Variants in INSR observed in about 807,000 individuals in gnomAD.
The protein encoded by INSR is IR.
INSR carries 67 observed loss-of-function variants against 142.6 expected under a neutral mutation model. The ratio of observed to expected loss-of-function variants is 0.47; its 90% CI spans 0.39 to 0.58. The LOEUF (loss-of-function observed/expected upper bound fraction) is 0.58, where lower values mean the gene tolerates loss of function less well. Ranked by LOEUF, INSR falls within the 20% of genes least tolerant of loss-of-function variation. The pLI, the probability that INSR is intolerant of heterozygous loss-of-function variation, is 0.00. For missense variants in INSR, 1,248 were observed against 1,833.2 expected (o/e 0.68, Z 5.83); for synonymous variants, 756 against 743.1 (o/e 1.02, Z -0.28).
At chr19:7,205,729 A>T (rs1975089364) in intron 2 of INSR, among the ~76,000 whole-genome samples, 1 of 152,162 alleles carries the variant, frequency 6.6e-6, no homozygotes, top group Non-Finnish European at 1.5e-5. Context: ...ATCTCTACAG[A>T]TAATACAAAA....
At chr19:7,277,293 G>A (rs542184356) in intron 1 of INSR, among the ~76,000 whole-genome samples, 16 of 151,946 alleles carry the variant, frequency 1.1e-4, no homozygotes, top group African/African-American at 3.9e-4. Flanking sequence ...TGCAGGTTCT[G>A]GACCCGGCAA....
At chr19:7,293,586 G>A (rs1044557844) in intron 1 of INSR, among the ~76,000 whole-genome samples, 82 of 152,158 alleles carry the variant, frequency 5.4e-4, no homozygotes, top group Non-Finnish European at 6.3e-4. Flanking sequence ...GGGCACGCAG[G>A]GCGCGGAGGC....
Position 7,261,593 on chromosome 19 carries a change from C to T in INSR, c.652+5752G>A, listed in dbSNP as rs148973704. On this transcript the variant is annotated intron_variant, in intron 2 of 21. Transcript: ENST00000302850. ...TCGGCCAGGCTGGGGTGCAATGGCA[C>T]GATCTCAGCTCACTGCAACCTCTGC... 2.5e-3 allele frequency among the ~76,000 whole-genome samples: 387 copies of T among 151,968 alleles called. 4 individuals are homozygous for T. The highest frequency in any genetic ancestry group is 8.5e-3 in the African/African-American group (351 of 41,458).
At chr19:7,224,089 G>A (rs1053069967) in intron 2 of INSR, among the ~76,000 whole-genome samples, 15 of 151,838 alleles carry the variant, frequency 9.9e-5, no homozygotes, top group Admixed American at 2.6e-4. Context: ...GACTACAGGC[G>A]TACACCACCA....
chr19:7,119,349 T>C lies in INSR; in HGVS notation c.3794+100A>G. 2 of 1,340,386 alleles carry C rather than the reference T, an allele frequency of 1.5e-6. No individual in the cohort carries two copies. The highest frequency in any genetic ancestry group is 2.1e-6 in the Non-Finnish European group (2 of 932,446). The allele number at this position is 1,340,386 out of a possible 1,614,324, so 83.0% of individuals were successfully genotyped here. A position where few individuals can be genotyped will look rare whatever the true frequency, so the allele number is the denominator to read the frequency against. On this transcript the variant is annotated intron_variant, in intron 21 of 21. Coordinates refer to ENST00000302850, the MANE Select transcript of INSR (RefSeq NM_000208.4). This position sits in a 1 kb window ranked among gnomAD's most constrained non-coding sequence, Gnocchi z 5.2. ...TGTAACATACAGCATGCAAACACGG[T>C]GAGCGTGTAGACATAGGAAAGGCAA...
At chr19:7,277,987 A>G (rs967837359) in intron 1 of INSR, among the ~76,000 whole-genome samples, 1 of 151,814 alleles carries the variant, frequency 6.6e-6, no homozygotes, top group Non-Finnish European at 1.5e-5. Flanking sequence ...CCAGCTACTC[A>G]GGAGGCTGAG....
chr19:7,243,268 T>G (rs1415265510), intron 2 of INSR, among the ~76,000 whole-genome samples: 1 of 110,068 alleles, frequency 9.1e-6, no homozygotes, highest in Non-Finnish European at 1.8e-5. Context: ...TTTTTTGAGA[T>G]GCAGTCTAGC....
chr19:7,149,185 G>T (rs1439041929), intron 11 of INSR, among the ~76,000 whole-genome samples: 3 of 152,166 alleles, frequency 2.0e-5, no homozygotes, highest in Non-Finnish European at 4.4e-5. Flanking sequence ...GGGATTACAG[G>T]CGTGAGCCAC....
In INSR at chr19:7,117,089, C is replaced by T. The variant is rs745411496; in HGVS notation, c.4116G>A (p.Arg1372=). The part of the protein sequence containing the change: ...THMNGGKKNG[R]ILTLPRSNPS The stretch of plus-strand genomic sequence containing the variant: ...GATTGGACCGAGGCAAGGTCAGAAT[C>T]CGCCCGTTTTTCTTGCCTCCGTTCA... The change falls in exon 22 of 22, where the codon CGG becomes CGA. Residue 1372 remains arginine (R), a synonymous_variant. Transcript: ENST00000302850. 50 of 1,613,986 alleles carry T rather than the reference C, an allele frequency of 3.1e-5. No individual in the cohort carries two copies. The highest frequency in any genetic ancestry group is 1.4e-4 in the South Asian group (13 of 91,082).
At chr19:7,231,139 C>A (rs1021722965) in intron 2 of INSR, among the ~76,000 whole-genome samples, 11 of 152,118 alleles carry the variant, frequency 7.2e-5, no homozygotes, top group African/African-American at 2.7e-4. Flanking sequence ...ACAGCCTGTG[C>A]GCCACGGAGG....
chr19:7,172,382 T>G lies in INSR; in HGVS notation c.1176A>C (p.Ser392=), dbSNP rs1260032788. The change falls in exon 5 of 22, where the codon TCA becomes TCC. Residue 392 remains serine, a synonymous_variant. Coordinates refer to ENST00000302850, the MANE Select transcript of INSR (RefSeq NM_000208.4). ...AGGATCGGCGGATTTTTAGATACCC[T>G]GAAATTTCTTCAATGAGGCCGAGGT... ...EANLGLIEEI[S]GYLKIRRSYA... 4 of 1,614,080 alleles carry G rather than the reference T, an allele frequency of 2.5e-6. No individual in the cohort carries two copies. The highest frequency in any genetic ancestry group is 3.4e-6 in the Non-Finnish European group (4 of 1,179,968).
rs756988525 is a variant in INSR at position 7,117,073 on chromosome 19, G to A, written c.4132C>T (p.Arg1378Trp). The change falls in exon 22 of 22, where the codon CGG becomes TGG. Residue 1378 changes from arginine (R) to tryptophan (W), a missense_variant. By Grantham distance (101) the Arg-to-Trp change is moderately radical. Coordinates refer to ENST00000302850, the MANE Select transcript of INSR (RefSeq NM_000208.4). ...AGGCACTGTTAGGAAGGATTGGACC[G>A]AGGCAAGGTCAGAATCCGCCCGTTT... ...KKNGRILTLP[R>W]SNPS The A allele has an allele frequency of 3.1e-6, 5 of 1,613,922 alleles. No individual in the cohort carries two copies. Among genetic ancestry groups the A allele is most frequent in the South Asian group, 1.1e-5 (1 of 91,078 alleles).
intron 9 of INSR, among the ~76,000 whole-genome samples, chr19:7,153,362 AC>A (rs748278018): frequency 1.8e-4 from 14 of 76,074 alleles, no homozygotes; most frequent in East Asian, 2.9e-3. Context: ...CACACACCAC[AC>A]ACCCCACACA....
chr19:7,212,427 T>C (rs564077468), intron 2 of INSR, among the ~76,000 whole-genome samples: 2 of 152,264 alleles, frequency 1.3e-5, no homozygotes, highest in East Asian at 1.9e-4. Flanking sequence ...CAGACACATG[T>C]TGAATCGAAT....
Position 7,170,544 on chromosome 19 carries a change from C to T in INSR, c.1476G>A (p.Gln492=), listed in dbSNP as rs764494335. 3.1e-6 allele frequency: 5 copies of T among 1,612,272 alleles called. No individual in the cohort carries two copies. The highest frequency in any genetic ancestry group is 2.0e-4 in the Middle Eastern group (1 of 5,082). Residue 492 remains glutamine, a synonymous_variant, in exon 6 of 22, where the codon CAG becomes CAA. Transcript: ENST00000302850. Reference sequence around the variant, plus strand: ...TGGGGACCAGTGACTTACAGGATGCCTGGTCCCCATTGGTCTTCAGGGCAA... The same window carrying T: ...TGGGGACCAGTGACTTACAGGATGCTTGGTCCCCATTGGTCTTCAGGGCAA... ...NDIALKTNGD[Q]ASCENELLKF...
intron 2 of INSR, among the ~76,000 whole-genome samples, chr19:7,214,263 T>C (rs1174818143): frequency 6.6e-6 from 1 of 152,194 alleles, no homozygotes; most frequent in Non-Finnish European, 1.5e-5. Flanking sequence ...GGAACTTGTT[T>C]CTTCACACGT....
At chr19:7,136,642 C>T (rs1034789339) in intron 13 of INSR, among the ~76,000 whole-genome samples, 4 of 151,872 alleles carry the variant, frequency 2.6e-5, no homozygotes, top group Admixed American at 1.3e-4. Flanking sequence ...CCCACCCAGA[C>T]CAACTGTGTT....
chr19:7,178,717 T>TC (rs201216668), intron 3 of INSR, among the ~76,000 whole-genome samples: 8,441 of 150,918 alleles, frequency 0.056, 354 homozygotes, highest in African/African-American at 0.12. Context: ...AGACTCCGTC[T>TC]CAAAACAAAC....
rs190697780 is a variant in INSR, at chr19:7,213,972, A to C, written c.653-29335T>G. Among the ~76,000 whole-genome samples the C allele has an allele frequency of 1.7e-3, 262 of 149,870 alleles. No homozygotes were observed. The Middle Eastern group carries it at 0.024, about 14-fold the overall frequency. The stretch of plus-strand genomic sequence containing the variant: ...GCCATTGCACTCCAGGCTAGGTGAC[A>C]GGGCAAGACTTTGTCTCAAAAAAAA... On this transcript the variant is annotated intron_variant, in intron 2 of 21. Coordinates refer to ENST00000302850, the MANE Select transcript of INSR (RefSeq NM_000208.4).
Sources: allele counts gnomAD v4.1 joint callset (sites outside exome capture counted in the v4.1 genomes callset), GRCh38; gene constraint gnomAD v4.1.1; non-coding constraint Gnocchi (gnomAD v3.1); transcripts MANE v1.5; gene names NCBI Gene and HGNC (gene_info 2026-07-23, HGNC 2026-07-21).